DPP10: variants seen among roughly 807,000 people sequenced by gnomAD.
DPP10 encodes the protein dipeptidyl peptidase like 10.
DPP10 carries 33 observed loss-of-function variants against 120.9 expected under a neutral mutation model. That is an observed-to-expected ratio of 0.27 (90% confidence interval 0.21 to 0.37). The LOEUF is 0.37. Ranked by LOEUF, DPP10 falls within the 10% of genes least tolerant of loss-of-function variation. DPP10 has a pLI of 1.00. For missense variants in DPP10, 816 were observed against 942.8 expected, an observed-to-expected ratio of 0.87 and a Z score of 1.76; for synonymous variants, 337 against 326.1, an observed-to-expected ratio of 1.03 and a Z score of -0.36.
intron 1 of DPP10, among the ~76,000 whole-genome samples, chr2:115,164,821 A>G (rs919280128): frequency 3.3e-5 from 5 of 152,252 alleles, no homozygotes; most frequent in African/African-American, 4.8e-5. Flanking sequence ...ACAAGAGGAC[A>G]TGCCCTCCCT....
At chr2:115,306,683 G>A (rs1396619726) in intron 1 of DPP10, among the ~76,000 whole-genome samples, 1 of 152,124 alleles carries the variant, frequency 6.6e-6, no homozygotes, top group African/African-American at 2.4e-5. Flanking sequence ...TATGCCTTGA[G>A]CATTGATGAG....
chr2:115,041,488 A>AT (rs1325317160), intron 1 of DPP10, among the ~76,000 whole-genome samples: 4 of 152,212 alleles, frequency 2.6e-5, no homozygotes, highest in Admixed American at 2.0e-4. Flanking sequence ...ATGAGGTAGC[A>AT]TAAAGCAGAG....
chr2:115,702,698 A>C (rs1481020363), intron 7 of DPP10, among the ~76,000 whole-genome samples: 1 of 152,102 alleles, frequency 6.6e-6, no homozygotes, highest in East Asian at 1.9e-4. Context: ...AGTTGGAAGG[A>C]TTGAGGGATC....
At chr2:114,746,187 A>G (rs1478978257) in intron 1 of DPP10, among the ~76,000 whole-genome samples, 2 of 151,822 alleles carry the variant, frequency 1.3e-5, no homozygotes, top group African/African-American at 4.8e-5. Flanking sequence ...CCTTTTATTC[A>G]CCTCTCTTTC....
chr2:115,002,101 G>A (rs1053762938), intron 1 of DPP10, among the ~76,000 whole-genome samples: 1 of 152,150 alleles, frequency 6.6e-6, no homozygotes, highest in African/African-American at 2.4e-5. Context: ...GAACAGAGCT[G>A]GAGGCATCAT....
At chr2:114,558,322 C>T (rs1474950371) in intron 1 of DPP10, among the ~76,000 whole-genome samples, 1 of 152,228 alleles carries the variant, frequency 6.6e-6, no homozygotes, top group African/African-American at 2.4e-5. Context: ...TTTCCTCCAA[C>T]TAATTGGGCT....
At chr2:114,469,310 C>T (rs556609925) in intron 1 of DPP10, among the ~76,000 whole-genome samples, 1 of 152,152 alleles carries the variant, frequency 6.6e-6, no homozygotes, top group Non-Finnish European at 1.5e-5. Context: ...ATACTAAGTA[C>T]TTATTAAACA....
chr2:115,019,176 T>C (rs959080803), intron 1 of DPP10, among the ~76,000 whole-genome samples: 2 of 152,156 alleles, frequency 1.3e-5, no homozygotes, highest in Non-Finnish European at 2.9e-5. Flanking sequence ...TTTTAATTTG[T>C]ACTAAAAGCT....
chr2:115,824,343 G>A (rs764607924), intron 21 of DPP10, among the ~76,000 whole-genome samples: 10 of 151,974 alleles, frequency 6.6e-5, no homozygotes, highest in Non-Finnish European at 1.2e-4. Flanking sequence ...CACGGTACAC[G>A]TGCAGAATGT....
chr2:115,109,125 A>G (rs968123392), intron 1 of DPP10, among the ~76,000 whole-genome samples: 1 of 152,170 alleles, frequency 6.6e-6, no homozygotes, highest in African/African-American at 2.4e-5. Flanking sequence ...AATATTCATA[A>G]TCTTACTCAA....
intron 19 of DPP10, among the ~76,000 whole-genome samples, chr2:115,798,864 ATTT>A (rs1684840325): frequency 6.6e-6 from 1 of 151,876 alleles, no homozygotes; most frequent in Non-Finnish European, 1.5e-5. Flanking sequence ...GTTTTTTCTC[ATTT>A]TTAGCATGCC....
In DPP10 at chr2:115,444,027, C is replaced by A. The variant is rs780222820; in HGVS notation, c.272-55483C>A. ...TTATTAGCAGTTCCCTGCTTCCCCTCCCCCACATTGCCCCAGGCAATACTC... is the reference window on the plus strand; with the variant it reads ...TTATTAGCAGTTCCCTGCTTCCCCTACCCCACATTGCCCCAGGCAATACTC... On this transcript the variant is annotated intron_variant, in intron 3 of 25. Transcript: ENST00000410059. Among the ~76,000 whole-genome samples the A allele has an allele frequency of 8.3e-4, 127 of 152,154 alleles. 1 individual carries two copies. The highest frequency in any genetic ancestry group is 2.4e-4 in the Non-Finnish European group (16 of 68,042).
At chr2:115,000,568 A>G (rs570322198) in intron 1 of DPP10, among the ~76,000 whole-genome samples, 1 of 152,248 alleles carries the variant, frequency 6.6e-6, no homozygotes, top group Non-Finnish European at 1.5e-5. Context: ...GATGGTAATA[A>G]CCCACTCCAT....
At chr2:114,724,337 A>G (rs553599912) in intron 1 of DPP10, among the ~76,000 whole-genome samples, 1 of 152,228 alleles carries the variant, frequency 6.6e-6, no homozygotes, top group Non-Finnish European at 1.5e-5. Flanking sequence ...TCACTAATCA[A>G]TGTTATCGCT....
At chr2:114,680,461 T>C (rs1374774289) in intron 1 of DPP10, among the ~76,000 whole-genome samples, 1 of 152,000 alleles carries the variant, frequency 6.6e-6, no homozygotes, top group East Asian at 1.9e-4. Flanking sequence ...CCTTCTGTCT[T>C]AGAAGTGTAA....
chr2:115,411,349 A>T (rs748890464), intron 3 of DPP10, among the ~76,000 whole-genome samples: 1 of 152,146 alleles, frequency 6.6e-6, no homozygotes, highest in Non-Finnish European at 1.5e-5. Context: ...AAGGAGAGAA[A>T]AAAAAGAAAA....
intron 1 of DPP10, among the ~76,000 whole-genome samples, chr2:115,236,084 A>G (rs943347374): frequency 2.0e-5 from 3 of 152,182 alleles, no homozygotes; most frequent in Non-Finnish European, 2.9e-5. Flanking sequence ...CCCTCCAAAC[A>G]CACACCAAGA....
rs145976589 is a variant in DPP10, at chr2:114,735,569, A to G, written c.60+292731A>G. Among the ~76,000 whole-genome samples the G allele has an allele frequency of 5.0e-3, 762 of 152,072 alleles. 4 individuals carry two copies. Among genetic ancestry groups the G allele is most frequent in the African/African-American group, 0.018 (739 of 41,512 alleles). The stretch of plus-strand genomic sequence containing the variant: ...GATTTTCTTTCTTTTCCTTTTTTCT[A>G]ATGACCAAGCAAATCCCCTTTCTAT... On this transcript the variant is annotated intron_variant, in intron 1 of 25. Transcript: ENST00000410059.
At chr2:115,228,075 A>G (rs1199661108) in intron 1 of DPP10, among the ~76,000 whole-genome samples, 1 of 151,786 alleles carries the variant, frequency 6.6e-6, no homozygotes, top group Non-Finnish European at 1.5e-5. Context: ...GGTGTGCACT[A>G]TTATGCCTTG....
Sources: gnomAD v4.1 joint callset for allele counts (sites outside exome capture counted in the v4.1 genomes callset) on GRCh38, gnomAD v4.1.1 for gene constraint, MANE v1.5 for transcripts, NCBI Gene and HGNC (gene_info 2026-07-23, HGNC 2026-07-21) for gene names.